CHKA: variants seen among roughly 807,000 people sequenced by gnomAD.
CHKA encodes choline kinase alpha, also known as CHETK-alpha.
CHKA carries 34 observed loss-of-function variants against 60.1 expected under a neutral mutation model. That is an observed-to-expected ratio of 0.57 (90% CI 0.43 to 0.75). CHKA has a LOEUF of 0.75. CHKA is among the 30% of genes least tolerant of loss of function. CHKA has a pLI of 0.00. For missense variants in CHKA, 563 were observed against 561.3 expected (o/e 1.00, Z -0.03); for synonymous variants, 217 against 223.1 (o/e 0.97, Z 0.24).
At chr11:68,108,174 T>C (rs1857986501) in intron 1 of CHKA, among the ~76,000 whole-genome samples, 1 of 152,146 alleles carries the variant, frequency 6.6e-6, no homozygotes, top group Non-Finnish European at 1.5e-5. Context: ...TACTCCTAGC[T>C]GGGTGCAGTG....
chr11:68,112,532 T>C (rs1858196564), intron 1 of CHKA, among the ~76,000 whole-genome samples: 1 of 152,174 alleles, frequency 6.6e-6, no homozygotes, highest in South Asian at 2.1e-4. Context: ...AGTGCTGGAA[T>C]TACAGGCATA....
At chr11:68,062,791 G>A (rs1856297010) in intron 10 of CHKA, among the ~76,000 whole-genome samples, 1 of 152,142 alleles carries the variant, frequency 6.6e-6, no homozygotes, top group East Asian at 1.9e-4. Flanking sequence ...ATTTCCACCA[G>A]TTCAAGAAAC....
At chr11:68,090,886 C>CAA (rs1336981213) in intron 2 of CHKA, among the ~76,000 whole-genome samples, 1 of 152,188 alleles carries the variant, frequency 6.6e-6, no homozygotes, top group East Asian at 1.9e-4. Context: ...AGTGGCTTAA[C>CAA]ACAGAGTCAC....
At chr11:68,084,013 G>A (rs185207426) in intron 2 of CHKA, among the ~76,000 whole-genome samples, 10 of 152,200 alleles carry the variant, frequency 6.6e-5, no homozygotes, top group African/African-American at 2.4e-4. Context: ...GGGAGGCTGA[G>A]GCAGGTGGAT....
At chr11:68,120,711 G>T (rs1305739137) in intron 1 of CHKA, 117 bp downstream of exon 1, 1 of 154,058 alleles carries the variant, frequency 6.5e-6, no homozygotes. Context: ...CCTCCGCCCC[G>T]GCCCCGGCTC....
At chr11:68,117,054 A>G (rs535924260) in intron 1 of CHKA, among the ~76,000 whole-genome samples, 1 of 152,314 alleles carries the variant, frequency 6.6e-6, no homozygotes, top group African/African-American at 2.4e-5. Flanking sequence ...TAGGAATTCA[A>G]TCTAACAAGA....
At chr11:68,089,625 A>G (rs1433496522) in intron 2 of CHKA, among the ~76,000 whole-genome samples, 1 of 152,240 alleles carries the variant, frequency 6.6e-6, no homozygotes, top group Non-Finnish European at 1.5e-5. Context: ...GACAAAAAAA[A>G]TAAGTGATAT....
intron 4 of CHKA, among the ~76,000 whole-genome samples, chr11:68,074,498 T>C (rs1205101460): frequency 1.3e-5 from 2 of 152,216 alleles, no homozygotes; most frequent in Non-Finnish European, 1.5e-5. Flanking sequence ...AAGTTTCATA[T>C]ATATTTCAAA....
At chr11:68,068,172 A>C (rs1856501550) in intron 7 of CHKA, among the ~76,000 whole-genome samples, 2 of 152,140 alleles carry the variant, frequency 1.3e-5, no homozygotes, top group African/African-American at 4.8e-5. Context: ...CTAGGAGAGG[A>C]GGTGTTAGGA....
chr11:68,059,071 T>C (rs2134491203), intron 11 of CHKA, among the ~76,000 whole-genome samples: 1 of 152,264 alleles, frequency 6.6e-6, no homozygotes, highest in African/African-American at 2.4e-5. Flanking sequence ...TAATTCTGTA[T>C]TTTAGTAGAG....
At chr11:68,074,944 G>C (rs1856739800) in intron 3 of CHKA, 114 bp from the exon 4 acceptor site, 1 of 869,180 alleles carries the variant, frequency 1.2e-6, no homozygotes. Context: ...CTTTCACGTG[G>C]GCACTACTGT....
chr11:68,098,174 G>A (rs1590870765), intron 1 of CHKA, among the ~76,000 whole-genome samples: 1 of 151,596 alleles, frequency 6.6e-6, no homozygotes, highest in South Asian at 2.1e-4. Context: ...GAGAGGCTGA[G>A]GCAGAAGAAT....
intron 1 of CHKA, among the ~76,000 whole-genome samples, chr11:68,099,878 A>C (rs943210808): frequency 6.6e-6 from 1 of 152,254 alleles, no homozygotes; most frequent in East Asian, 1.9e-4. Flanking sequence ...CTAAAGAAGG[A>C]AGGCAGACTA....
At chr11:68,090,571 TTTAA>T (rs996304950) in intron 2 of CHKA, among the ~76,000 whole-genome samples, 2 of 152,228 alleles carry the variant, frequency 1.3e-5, no homozygotes, top group African/African-American at 2.4e-5. Flanking sequence ...TGGCTTAATT[TTTAA>T]TTAAACTGGG....
At chr11:68,107,380 C>T (rs374823838) in intron 1 of CHKA, among the ~76,000 whole-genome samples, 3 of 152,234 alleles carry the variant, frequency 2.0e-5, no homozygotes, top group South Asian at 4.1e-4. Context: ...AATTTGAAAA[C>T]CAATTTGTTC....
intron 2 of CHKA, among the ~76,000 whole-genome samples, chr11:68,086,848 C>T (rs879909846): frequency 1.4e-4 from 22 of 152,000 alleles, no homozygotes; most frequent in African/African-American, 2.4e-5. Flanking sequence ...TTGCCTGGCG[C>T]GGTGGCGGGC....
chr11:68,060,292 A>G (rs1856186876), intron 11 of CHKA, among the ~76,000 whole-genome samples: 1 of 150,554 alleles, frequency 6.6e-6, no homozygotes, highest in South Asian at 2.1e-4. Flanking sequence ...TCGGCCTCCC[A>G]AAGTTCTGGG....
chr11:68,058,140 C>T (rs1407789358), intron 11 of CHKA, among the ~76,000 whole-genome samples: 1 of 152,236 alleles, frequency 6.6e-6, no homozygotes, highest in African/African-American at 2.4e-5. Context: ...GATTCTCCTG[C>T]CTCAGCCTCC....
chr11:68,084,960 T>C (rs575066882), intron 2 of CHKA, among the ~76,000 whole-genome samples: 2 of 152,322 alleles, frequency 1.3e-5, no homozygotes, highest in South Asian at 4.1e-4. Flanking sequence ...GTCTCAATTA[T>C]GCCTAAGACA....
Sources: allele counts gnomAD v4.1 joint callset (sites outside exome capture counted in the v4.1 genomes callset), GRCh38; gene constraint gnomAD v4.1.1; transcripts MANE v1.5; gene names NCBI Gene and HGNC (gene_info 2026-07-23, HGNC 2026-07-21).